GALNT2: variants seen among roughly 807,000 people sequenced by gnomAD.
GALNT2 encodes the protein UDP-GalNAc:polypeptide N-acetylgalactosaminyltransferase 2.
Under a neutral mutation model 81.4 loss-of-function variants are expected in GALNT2, and 31 were observed. That is an observed-to-expected ratio of 0.38 (90% confidence interval 0.29 to 0.51). GALNT2 has a LOEUF of 0.51. GALNT2 is among the 20% of genes least tolerant of loss of function. The probability of loss-of-function intolerance (pLI) is 0.87; values close to 1 mark genes in which losing one functional copy is unlikely to be tolerated. For missense variants in GALNT2, 629 were observed against 765.7 expected (o/e 0.82, Z 2.11); for synonymous variants, 303 against 287.4 (o/e 1.05, Z -0.55).
intron 14 of GALNT2, among the ~76,000 whole-genome samples, chr1:230,273,366 G>A (rs1339734115): frequency 1.3e-5 from 2 of 152,256 alleles, no homozygotes; most frequent in Admixed American, 1.3e-4. Context: ...TAGAAAGACA[G>A]ACAGACAGAC....
chr1:230,092,301 A>G (rs1482501181), intron 1 of GALNT2, among the ~76,000 whole-genome samples: 2 of 151,322 alleles, frequency 1.3e-5, no homozygotes, highest in African/African-American at 2.4e-5. Flanking sequence ...TTTCCTGGAA[A>G]GATCACCACA....
intron 1 of GALNT2, among the ~76,000 whole-genome samples, chr1:230,081,491 GT>G (rs201922992): frequency 7.9e-5 from 1 of 12,684 alleles, no homozygotes; most frequent in Non-Finnish European, 1.2e-4. Context: ...AATATAGCGT[GT>G]TAATTTGAAA....
chr1:230,085,185 A>G (rs1659863002), intron 1 of GALNT2, among the ~76,000 whole-genome samples: 1 of 152,180 alleles, frequency 6.6e-6, no homozygotes, highest in Non-Finnish European at 1.5e-5. Context: ...GATGGCAGAC[A>G]TACCTGACGG....
At chr1:230,150,527 CTGT>C (rs1662060559) in intron 1 of GALNT2, among the ~76,000 whole-genome samples, 1 of 152,206 alleles carries the variant, frequency 6.6e-6, no homozygotes, top group Admixed American at 6.5e-5. Context: ...GTGAATGTCT[CTGT>C]TAGAGTTGGA....
Position 230,174,716 on chromosome 1 carries a change from G to A in GALNT2, c.127-3502G>A, listed in dbSNP as rs191254789. Among the ~76,000 whole-genome samples, 5 of 152,166 alleles carry A rather than the reference G, an allele frequency of 3.3e-5. No individual in the cohort carries two copies. The East Asian group carries it at 9.7e-4, about 29-fold the overall frequency. ...GCCATCTTCCCATTGCTGCATTACT[G>A]AAATGGCCTCCTGGGCTCTCTTGTG... On this transcript the variant is annotated intron_variant, in intron 1 of 15. Transcript: ENST00000366672.
intron 3 of GALNT2, among the ~76,000 whole-genome samples, chr1:230,231,028 C>T (rs1440071371): frequency 6.6e-6 from 1 of 152,138 alleles, no homozygotes; most frequent in Non-Finnish European, 1.5e-5. Context: ...GCCCTTCTTG[C>T]AGGCCTGGGA....
chr1:230,142,893 G>A (rs1401440939), intron 1 of GALNT2, among the ~76,000 whole-genome samples: 3 of 152,168 alleles, frequency 2.0e-5, no homozygotes, highest in Non-Finnish European at 2.9e-5. Flanking sequence ...GTGAGAATTG[G>A]CCCGTACCCT....
At chr1:230,141,077 A>G (rs188314029) in intron 1 of GALNT2, among the ~76,000 whole-genome samples, 237 of 152,368 alleles carry the variant, frequency 1.6e-3, no homozygotes, top group Admixed American at 4.6e-3. Context: ...AACCATGCTT[A>G]AAGACATTCT....
At chr1:230,083,950 G>A (rs72648056) in intron 1 of GALNT2, among the ~76,000 whole-genome samples, 4,401 of 152,250 alleles carry the variant, frequency 0.029, 88 homozygotes, top group South Asian at 0.059. Flanking sequence ...AGCTGGAGCC[G>A]TGGACAGGCC....
At chr1:230,111,131 G>A (rs1489459128) in intron 1 of GALNT2, among the ~76,000 whole-genome samples, 2 of 152,204 alleles carry the variant, frequency 1.3e-5, no homozygotes, top group African/African-American at 2.4e-5. Context: ...TGGGCATATG[G>A]CACATGCGTA....
chr1:230,121,433 C>T (rs916344399), intron 1 of GALNT2, among the ~76,000 whole-genome samples: 9 of 152,204 alleles, frequency 5.9e-5, no homozygotes, highest in Non-Finnish European at 1.3e-4. Flanking sequence ...TGATTTTTCC[C>T]TTCTCTTTTT....
At chr1:230,078,200 A>G (rs929781544) in intron 1 of GALNT2, among the ~76,000 whole-genome samples, 39 of 152,288 alleles carry the variant, frequency 2.6e-4, no homozygotes, top group African/African-American at 9.1e-4. Flanking sequence ...GGCAATTCCT[A>G]CTTTATTAGT....
At chr1:230,253,132 G>T (rs1665602485) in intron 10 of GALNT2, among the ~76,000 whole-genome samples, 1 of 152,222 alleles carries the variant, frequency 6.6e-6, no homozygotes, top group African/African-American at 2.4e-5. Context: ...ACAGGCATGA[G>T]CCACTGCGCC....
chr1:230,127,266 C>T (rs896149472), intron 1 of GALNT2, among the ~76,000 whole-genome samples: 1 of 151,800 alleles, frequency 6.6e-6, no homozygotes, highest in Non-Finnish European at 1.5e-5. Context: ...GGAAGACTCT[C>T]TTAATGCTGT....
At chr1:230,274,159 G>A (rs971021081) in intron 14 of GALNT2, among the ~76,000 whole-genome samples, 2 of 152,226 alleles carry the variant, frequency 1.3e-5, no homozygotes, top group Non-Finnish European at 2.9e-5. Context: ...ACTTGTATTT[G>A]GGGCTAAAAT....
intron 1 of GALNT2, among the ~76,000 whole-genome samples, chr1:230,156,864 G>A (rs1305372851): frequency 6.6e-6 from 1 of 152,226 alleles, no homozygotes; most frequent in African/African-American, 2.4e-5. Flanking sequence ...GAGGAAGCTA[G>A]CCGTCTTGTT....
rs775483437 is a variant in GALNT2, at chr1:230,265,280, G to T, written c.1353G>T (p.Gln451His). 3.9e-5 allele frequency: 63 copies of T among 1,614,130 alleles called. No individual in the cohort carries two copies. Among genetic ancestry groups the T allele is most frequent in the Non-Finnish European group, 5.0e-5 (59 of 1,180,056 alleles). ...DHQDIAFGALQQGTNCLDTLG... is the reference protein window; with the variant it reads ...DHQDIAFGALHQGTNCLDTLG... ...AGGATATAGCTTTTGGGGCCTTGCA[G>T]CAGGGAACTAACTGCCTCGACACTT... The change falls in exon 14 of 16, where the codon CAG becomes CAT. Residue 451 changes from glutamine to histidine, a missense_variant. Around this residue, in one of 3 missense-constraint regions of GALNT2, gnomAD observed 207 missense variants for 225.5 expected, o/e 0.92. Transcript: ENST00000366672.
intron 1 of GALNT2, among the ~76,000 whole-genome samples, chr1:230,138,196 T>C (rs370462847): frequency 2.0e-5 from 3 of 151,686 alleles, no homozygotes; most frequent in Non-Finnish European, 4.4e-5. Flanking sequence ...TCAGGGTGAG[T>C]CCATGGAGTA....
At chr1:230,256,953 G>A (rs1665734036) in intron 11 of GALNT2, among the ~76,000 whole-genome samples, 1 of 152,172 alleles carries the variant, frequency 6.6e-6, no homozygotes, top group South Asian at 2.1e-4. Context: ...GACTTGAAAG[G>A]TGGGAGGAGG....
Sources: allele counts gnomAD v4.1 joint callset (sites outside exome capture counted in the v4.1 genomes callset), GRCh38; gene constraint gnomAD v4.1.1; regional missense constraint gnomAD v4.1.1; transcripts MANE v1.5; gene names NCBI Gene and HGNC (gene_info 2026-07-23, HGNC 2026-07-21).